CCNB2: variants seen among roughly 807,000 people sequenced by gnomAD.
The protein encoded by CCNB2 is G2/mitotic-specific cyclin-B2.
A neutral mutation model predicts 51.1 loss-of-function variants in CCNB2; 39 were observed. That is an observed-to-expected ratio of 0.76 (90% CI 0.59 to 1.00). The LOEUF (loss-of-function observed/expected upper bound fraction) is 1.00. Ranked by LOEUF, CCNB2 falls within the 50% of genes least tolerant of loss-of-function variation. The probability of loss-of-function intolerance (pLI) is 0.00; values close to 1 mark genes in which losing one functional copy is unlikely to be tolerated. For synonymous variants in CCNB2, 174 were observed against 165.5 expected, an observed-to-expected ratio of 1.05 and a Z score of -0.40; for missense variants, 472 against 470.3, an observed-to-expected ratio of 1.00 and a Z score of -0.03.
intron 7 of CCNB2, chr15:59,121,252 G>A (rs2079300758): frequency 6.6e-6 from 1 of 152,160 alleles, no homozygotes; most frequent in Non-Finnish European, 1.5e-5. Flanking sequence ...TGATTGATCA[G>A]TCTACATGAA....
chr15:59,105,185 C>A lies in CCNB2; in HGVS notation c.-84C>A. ...CTGCGGGCTCGGAGAGCAGTCCTAA[C>A]GGCGCCTCGTACGCTAGTGTCCTCC... On this transcript the variant is annotated 5_prime_UTR_variant, in exon 1 of 9. Coordinates refer to ENST00000288207, the MANE Select transcript of CCNB2 (RefSeq NM_004701.4). The A allele has an allele frequency of 3.0e-6, 4 of 1,342,194 alleles. No individual in the cohort carries two copies. Among genetic ancestry groups the A allele is most frequent in the Non-Finnish European group, 3.1e-6 (3 of 966,532 alleles). 83.1% of individuals were successfully genotyped at this position (1,342,194 alleles called of 1,614,324 possible). A position where few individuals can be genotyped will look rare whatever the true frequency, so the allele number is the denominator to read the frequency against.
chr15:59,110,592 A>G (rs1218750556), intron 3 of CCNB2, among the ~76,000 whole-genome samples: 2 of 152,198 alleles, frequency 1.3e-5, no homozygotes, highest in African/African-American at 4.8e-5. Context: ...ACAGGTTTCT[A>G]TCAATTTTCC....
chr15:59,124,310 TC>T, intron 8 of CCNB2: 1 of 170,876 alleles, frequency 5.9e-6, no homozygotes, highest in Non-Finnish European at 1.3e-5. Flanking sequence ...ATGATTTGCT[TC>T]ATGGAAGTGT....
At chr15:59,122,010 A>G (rs2079304225) in intron 7 of CCNB2, among the ~76,000 whole-genome samples, 1 of 142,160 alleles carries the variant, frequency 7.0e-6, no homozygotes, top group Non-Finnish European at 1.5e-5. Context: ...TTCAGCTACT[A>G]GGGAGGTTGA....
At chr15:59,112,760 T>C (rs571837319) in intron 3 of CCNB2, among the ~76,000 whole-genome samples, 43 of 152,056 alleles carry the variant, frequency 2.8e-4, no homozygotes, top group South Asian at 2.5e-3. Context: ...TTTGGCTGGG[T>C]GCAGTGGCTC....
intron 3 of CCNB2, among the ~76,000 whole-genome samples, chr15:59,113,234 TTC>T (rs2079265225): frequency 6.6e-6 from 1 of 152,228 alleles, no homozygotes; most frequent in Admixed American, 6.5e-5. Flanking sequence ...CAATATGCTT[TTC>T]TCCTTTTTAG....
chr15:59,123,851 A>G (rs2140292254), intron 8 of CCNB2: 1 of 457,846 alleles, frequency 2.2e-6, no homozygotes, highest in Non-Finnish European at 4.0e-6. Flanking sequence ...TCGATAGGCT[A>G]GCCATGTCCA....
chr15:59,107,418 A>C lies in CCNB2; in HGVS notation c.121A>C (p.Arg41=). The C allele has an allele frequency of 1.2e-6, 2 of 1,614,094 alleles. No homozygotes were observed. The highest frequency in any genetic ancestry group is 1.1e-5 in the South Asian group (1 of 91,086). The change falls in exon 2 of 9, where the codon AGA becomes CGA. Residue 41 remains arginine (R), a synonymous_variant. Transcript: ENST00000288207. ...AACTGTTTTAGAAGAAATTGGAAAT[A>C]GAGTTACAACCAGAGCAGCACAAGT... is the stretch of plus-strand genomic sequence containing the variant. ...RRTVLEEIGN[R]VTTRAAQVAK... is the part of the protein sequence containing the mutation.
Position 59,107,439 on chromosome 15 carries a change from C to G in CCNB2, c.142C>G (p.Gln48Glu), listed in dbSNP as rs371888839. ...IGNRVTTRAAQVAKKAQNTKV... is the reference protein window; with the variant it reads ...IGNRVTTRAAEVAKKAQNTKV... ...AAATAGAGTTACAACCAGAGCAGCA[C>G]AAGTAGCTAAGGTAACAATGATGAA... is the stretch of plus-strand genomic sequence containing the variant. The change falls in exon 2 of 9, where the codon CAA becomes GAA. Residue 48 changes from glutamine to glutamate, a missense_variant. By Grantham distance (29) the Gln-to-Glu change is conservative (BLOSUM62 2). Coordinates refer to ENST00000288207, the MANE Select transcript of CCNB2 (RefSeq NM_004701.4). The G allele has an allele frequency of 2.5e-5, 41 of 1,613,720 alleles. No homozygotes were observed. Among genetic ancestry groups the G allele is most frequent in the Non-Finnish European group, 3.5e-5 (41 of 1,179,976 alleles).
In CCNB2 at chr15:59,117,306, C is replaced by T; in HGVS notation, c.913C>T (p.Pro305Ser). The change falls in exon 7 of 9, where the codon CCT becomes TCT. Residue 305 changes from proline to serine, a missense_variant. Transcript: ENST00000288207. Reference protein sequence around the residue: ...LIDYDMVHYHPSKVAAAASCL... With the variant: ...LIDYDMVHYHSSKVAAAASCL... ...CGACTATGATATGGTGCATTATCAT[C>T]CTTCTAAGGTAGCAGCAGCTGCTTC... 3 of 1,613,780 alleles carry T rather than the reference C, an allele frequency of 1.9e-6. No homozygotes were observed. Among genetic ancestry groups the T allele is most frequent in the Non-Finnish European group, 2.5e-6 (3 of 1,179,894 alleles).
rs1242258882 is a variant in CCNB2, at chr15:59,117,213, G to T, written c.835-15G>T. 10 of 1,609,492 alleles carry T rather than the reference G, an allele frequency of 6.2e-6. No individual in the cohort carries two copies. The Admixed American group carries it at 6.7e-5, about 11-fold the overall frequency. On this transcript the variant is annotated splice_polypyrimidine_tract_variant and intron_variant, in intron 6 of 8. Coordinates refer to ENST00000288207, the MANE Select transcript of CCNB2 (RefSeq NM_004701.4). Reference sequence around the variant, plus strand: ...ACACTTGTGATTCTTACTATCCCTTGCTGTTCTTTCTTAGGTTGATGTTGA... The same window carrying T: ...ACACTTGTGATTCTTACTATCCCTTTCTGTTCTTTCTTAGGTTGATGTTGA...
chr15:59,122,021 G>C (rs1195666578), intron 7 of CCNB2, among the ~76,000 whole-genome samples: 6 of 150,168 alleles, frequency 4.0e-5, no homozygotes, highest in Non-Finnish European at 8.9e-5. Context: ...GGGAGGTTGA[G>C]GTGGGAGGAT....
At chr15:59,117,393 C>G (rs774714734) in intron 7 of CCNB2, 25 bp downstream of exon 7, 2 of 1,606,216 alleles carry the variant, frequency 1.2e-6, no homozygotes, top group South Asian at 1.1e-5. Flanking sequence ...TAAGAAGAAA[C>G]TAATTAGGCT....
intron 3 of CCNB2, among the ~76,000 whole-genome samples, chr15:59,113,509 A>G (rs530487455): frequency 1.3e-5 from 2 of 152,346 alleles, no homozygotes; most frequent in Admixed American, 1.3e-4. Context: ...TACACATACT[A>G]TATAAACTAT....
Position 59,107,646 on chromosome 15 carries a change from A to G in CCNB2, c.243A>G (p.Val81=). 1.2e-6 allele frequency: 2 copies of G among 1,613,914 alleles called. No homozygotes were observed. The highest frequency in any genetic ancestry group is 8.5e-7 in the Non-Finnish European group (1 of 1,179,964). ...QLKPTASVKP[V]QMEKLAPKGP... ...AACCTACTGCTTCTGTCAAACCAGT[A>G]CAGATGGAAAAGTTGGCTCCAAAGG... The change falls in exon 3 of 9, where the codon GTA becomes GTG. Residue 81 remains valine, a synonymous_variant. Coordinates refer to ENST00000288207, the MANE Select transcript of CCNB2 (RefSeq NM_004701.4).
Position 59,114,394 on chromosome 15 carries a change from G to GT in CCNB2, c.268-49dup, listed in dbSNP as rs775676716. 6.3e-6 allele frequency: 9 copies of GT among 1,422,322 alleles called. No homozygotes were observed. The Middle Eastern group carries it at 9.2e-4, about 145-fold the overall frequency. 88.1% of individuals were successfully genotyped at this position (1,422,322 alleles called of 1,614,324 possible). A position where few individuals can be genotyped will look rare whatever the true frequency, so the allele number is the denominator to read the frequency against. On this transcript the variant is annotated intron_variant, in intron 3 of 8. Transcript: ENST00000288207. ...ATATTTAAGCCAGTTGGCTCTGCAT[G>GT]TATTTATGGTTAAGGCTGCTCCTAC... is the stretch of plus-strand genomic sequence containing the variant.
rs530595774 is a variant in CCNB2, at chr15:59,118,883, A to G, written c.975+1515A>G. Among the ~76,000 whole-genome samples the G allele has an allele frequency of 1.4e-4, 21 of 152,332 alleles. No homozygotes were observed. In the East Asian group the frequency reaches 3.9e-3, roughly 28 times the overall value. On this transcript the variant is annotated intron_variant, in intron 7 of 8. Coordinates refer to ENST00000288207, the MANE Select transcript of CCNB2 (RefSeq NM_004701.4). ...TGTGTGGCCTATATGGATATAGGCA[A>G]GGTCACCAGGGCAGCATGGTGGAGC...
intron 2 of CCNB2, 30 bp from the exon 3 acceptor site, chr15:59,107,527 T>A: frequency 6.2e-7 from 1 of 1,613,782 alleles, no homozygotes; most frequent in Non-Finnish European, 8.5e-7. Flanking sequence ...CTGGCTGTCT[T>A]GCGCTATTCA....
intron 7 of CCNB2, among the ~76,000 whole-genome samples, chr15:59,117,757 C>T (rs1367317497): frequency 6.6e-6 from 1 of 152,198 alleles, no homozygotes; most frequent in Admixed American, 6.5e-5. Flanking sequence ...GTGTGAGCCA[C>T]AGTGCCTGGC....
Sources: gnomAD v4.1 joint callset for allele counts (sites outside exome capture counted in the v4.1 genomes callset) on GRCh38, gnomAD v4.1.1 for gene constraint, MANE v1.5 for transcripts, NCBI Gene and HGNC (gene_info 2026-07-23, HGNC 2026-07-21) for gene names.